The following SNX29 variants were observed in gnomAD, a reference collection of about 807,000 sequenced individuals.
The protein encoded by SNX29 is sorting nexin-29.
In SNX29, 78 loss-of-function variants were observed where a neutral mutation model predicts 102.1. The ratio of observed to expected loss-of-function variants is 0.76; its 90% confidence interval spans 0.64 to 0.92. The LOEUF is 0.92. Ranked by LOEUF, SNX29 falls within the 40% of genes least tolerant of loss-of-function variation. The pLI, the probability that SNX29 is intolerant of heterozygous loss-of-function variation, is 0.00. For synonymous variants in SNX29, 580 were observed against 414.5 expected (o/e 1.40, Z -4.85); for missense variants, 1,280 against 1,061.7 (o/e 1.21, Z -2.86).
In SNX29 at chr16:12,275,478, C is replaced by G. The variant is rs531562887; in HGVS notation, c.1679-2455C>G. On this transcript the variant is annotated intron_variant, in intron 14 of 20. Transcript: ENST00000566228. ...ACAGACTTTTAAAACCTTTCTTTTG[C>G]TTTCTAGTCCTGTGTTCACCGTCAT... is the stretch of plus-strand genomic sequence containing the variant. Among the ~76,000 whole-genome samples, 11 of 152,330 alleles carry G rather than the reference C, an allele frequency of 7.2e-5. 1 individual carries two copies. The highest frequency in any genetic ancestry group is 2.6e-4 in the African/African-American group (11 of 41,592).
At chr16:12,311,437 G>A (rs1251841682) in intron 15 of SNX29, among the ~76,000 whole-genome samples, 2 of 152,192 alleles carry the variant, frequency 1.3e-5, no homozygotes, top group African/African-American at 2.4e-5. Context: ...ACCCTCCTCC[G>A]TCCTCCTTTC....
chr16:12,527,297 C>T lies in SNX29; in HGVS notation c.2318+2456C>T, dbSNP rs370059830. The T allele has an allele frequency of 1.8e-3, 969 of 531,808 alleles. 10 individuals carry two copies. The highest frequency in any genetic ancestry group is 0.014 in the South Asian group (940 of 65,224). 32.9% of individuals were successfully genotyped at this position (531,808 alleles called of 1,614,324 possible). On this transcript the variant is annotated intron_variant, in intron 20 of 20. Coordinates refer to ENST00000566228, the MANE Select transcript of SNX29 (RefSeq NM_032167.5). ...GTGTCCTTTCTCCATGTGCTGCCCA[C>T]AGAAAGCAGCGAGACTGCTGTCTCA...
intron 16 of SNX29, among the ~76,000 whole-genome samples, chr16:12,371,594 T>G (rs918031391): frequency 1.3e-5 from 2 of 152,224 alleles, no homozygotes; most frequent in African/African-American, 4.8e-5. Context: ...CGTGAGCCAC[T>G]GCACCCAGCC....
At position 12,156,684 on chromosome 16, in the gene SNX29, C is replaced by A. The variant is rs1597066195; in HGVS notation, c.1595+26926C>A. ...TGTTTCTCTACCTCTATGGCCTCAT[C>A]TGCAAGGCAGGCCTCTCTAGGTCCT... On this transcript the variant is annotated intron_variant, in intron 13 of 20. Transcript: ENST00000566228. 2.0e-5 allele frequency among the ~76,000 whole-genome samples: 3 copies of A among 152,246 alleles called. No individual in the cohort carries two copies. The East Asian group carries it at 5.8e-4, about 29-fold the overall frequency.
intron 16 of SNX29, among the ~76,000 whole-genome samples, chr16:12,380,652 ATCCATCCACCCACCC>A (rs778490717): frequency 0.12 from 7,811 of 67,762 alleles, 869 homozygotes; most frequent in African/African-American, 0.19. Context: ...TCCACCCACC[ATCCATCCACCCACCC>A]ACCATCCATC....
intron 11 of SNX29, among the ~76,000 whole-genome samples, chr16:12,100,239 G>A (rs957923664): frequency 1.1e-4 from 17 of 152,150 alleles, no homozygotes; most frequent in Admixed American, 4.6e-4. Flanking sequence ...TCTCCACTGC[G>A]GCACTGTCGA....
At chr16:12,356,656 C>T (rs1016036833) in intron 16 of SNX29, among the ~76,000 whole-genome samples, 2 of 152,144 alleles carry the variant, frequency 1.3e-5, no homozygotes, top group Non-Finnish European at 2.9e-5. Flanking sequence ...TATCTGTTTG[C>T]CACTTGTTTT....
At chr16:12,223,389 C>G (rs561234713) in intron 14 of SNX29, among the ~76,000 whole-genome samples, 366 of 152,172 alleles carry the variant, frequency 2.4e-3, no homozygotes, top group Non-Finnish European at 4.0e-3. Flanking sequence ...AGGCTTCGCA[C>G]GGTGGCTTAT....
At chr16:12,398,394 A>G (rs1683242472) in intron 16 of SNX29, 52 bp from the exon 17 acceptor site, 11 of 1,583,264 alleles carry the variant, frequency 6.9e-6, no homozygotes, top group African/African-American at 5.4e-5. Flanking sequence ...TATGCAAACC[A>G]TGGTAACCAT....
intron 20 of SNX29, among the ~76,000 whole-genome samples, chr16:12,555,965 T>A (rs1003438941): frequency 2.6e-5 from 4 of 150,960 alleles, no homozygotes; most frequent in Admixed American, 1.3e-4. Context: ...TAACACCATC[T>A]GCGTGGCTTT....
chr16:12,445,697 C>G (rs942799656), intron 18 of SNX29, among the ~76,000 whole-genome samples: 5 of 152,212 alleles, frequency 3.3e-5, no homozygotes, highest in African/African-American at 1.2e-4. Flanking sequence ...TGCAGCCCAT[C>G]AGCTTCCTCT....
At chr16:12,289,146 G>C (rs1320639759) in intron 15 of SNX29, among the ~76,000 whole-genome samples, 1 of 152,216 alleles carries the variant, frequency 6.6e-6, no homozygotes. Flanking sequence ...CACTTACTGG[G>C]TAAACAGCCG....
At chr16:12,258,762 G>A (rs944844242) in intron 14 of SNX29, among the ~76,000 whole-genome samples, 8 of 152,100 alleles carry the variant, frequency 5.3e-5, no homozygotes, top group Non-Finnish European at 1.2e-4. Flanking sequence ...GAACTTGTAA[G>A]GGTTTGTGAG....
At chr16:12,347,296 G>A (rs545835477) in intron 15 of SNX29, among the ~76,000 whole-genome samples, 1 of 152,154 alleles carries the variant, frequency 6.6e-6, no homozygotes, top group South Asian at 2.1e-4. Flanking sequence ...TTTATGGTGC[G>A]GCATTGAGGA....
chr16:12,237,710 C>A (rs1233236837), intron 14 of SNX29, among the ~76,000 whole-genome samples: 1 of 150,926 alleles, frequency 6.6e-6, no homozygotes, highest in Non-Finnish European at 1.5e-5. Flanking sequence ...AGTTTGAGAC[C>A]AGACTGGGCA....
intron 13 of SNX29, among the ~76,000 whole-genome samples, chr16:12,192,487 C>A (rs1166345275): frequency 6.6e-6 from 1 of 152,136 alleles, no homozygotes; most frequent in Admixed American, 6.5e-5. Context: ...AGCAAGTCTG[C>A]ATTCCCTTGC....
intron 13 of SNX29, among the ~76,000 whole-genome samples, chr16:12,171,757 C>T (rs2076154555): frequency 6.6e-6 from 1 of 152,262 alleles, no homozygotes; most frequent in South Asian, 2.1e-4. Flanking sequence ...TATTTGCTTG[C>T]GTTCCTGTTT....
At chr16:12,433,398 A>T (rs551125289) in intron 18 of SNX29, among the ~76,000 whole-genome samples, 1 of 152,246 alleles carries the variant, frequency 6.6e-6, no homozygotes, top group South Asian at 2.1e-4. Flanking sequence ...TGGGAGGCTG[A>T]GGTGGGTGGA....
At chr16:12,553,436 C>G (rs1337531544) in intron 20 of SNX29, among the ~76,000 whole-genome samples, 1 of 152,202 alleles carries the variant, frequency 6.6e-6, no homozygotes, top group East Asian at 1.9e-4. Flanking sequence ...ACACTCCAAC[C>G]TGCTGAGCAT....
Sources: gnomAD v4.1 joint callset for allele counts (sites outside exome capture counted in the v4.1 genomes callset) on GRCh38, gnomAD v4.1.1 for gene constraint, MANE v1.5 for transcripts, NCBI Gene and HGNC (gene_info 2026-07-23, HGNC 2026-07-21) for gene names.